ANO3: variants seen among roughly 807,000 people sequenced by gnomAD.
ANO3 encodes the protein anoctamin-3.
A neutral mutation model predicts 144.8 loss-of-function variants in ANO3; 99 were observed. The ratio of observed to expected loss-of-function variants is 0.68; its 90% CI spans 0.58 to 0.81. The LOEUF (loss-of-function observed/expected upper bound fraction) is 0.81. Among genes scored for constraint, ANO3 ranks in the 30% least tolerant of loss-of-function variants. The pLI, the probability that ANO3 is intolerant of heterozygous loss-of-function variation, is 0.00. For missense variants in ANO3, 905 were observed against 1,202.2 expected (o/e 0.75, Z 3.66); for synonymous variants, 414 against 392.6 (o/e 1.05, Z -0.64).
In ANO3 at chr11:26,527,059, A is replaced by C. The variant is rs368914512; in HGVS notation, c.737+1380A>C. 4.5e-3 allele frequency among the ~76,000 whole-genome samples: 613 copies of C among 137,434 alleles called. 4 individuals are homozygous for C. Among genetic ancestry groups the C allele is most frequent in the Non-Finnish European group, 5.8e-3 (363 of 62,498 alleles). 90.2% of individuals were successfully genotyped at this position (137,434 alleles called of 152,430 possible). A position where few individuals can be genotyped will look rare whatever the true frequency, so the allele number is the denominator to read the frequency against. ...GAGACTTTGCTACTACATAATTAGTAGGTTTTCTGTTAAACAAGAATCTTT... is the reference window on the plus strand; with the variant it reads ...GAGACTTTGCTACTACATAATTAGTCGGTTTTCTGTTAAACAAGAATCTTT... On this transcript the variant is annotated intron_variant, in intron 7 of 26. Coordinates refer to ENST00000256737, the MANE Select transcript of ANO3 (RefSeq NM_031418.4).
intron 1 of ANO3, among the ~76,000 whole-genome samples, chr11:26,264,513 G>T (rs1165332869): frequency 6.6e-6 from 1 of 152,148 alleles, no homozygotes; most frequent in Non-Finnish European, 1.5e-5. Context: ...GATACTATTT[G>T]TGTGAGGAAA....
Position 26,661,678 on chromosome 11 carries a change from CAA to C in ANO3, c.*1236_*1237del. On this transcript the variant is annotated 3_prime_UTR_variant, in exon 27 of 27. Coordinates refer to ENST00000256737, the MANE Select transcript of ANO3 (RefSeq NM_031418.4). ...TTTATTTTTAACAACGCTCTAGAAACAAAGTCAAATTAATCACAAAAGACATA... is the reference window on the plus strand; with the variant it reads ...TTTATTTTTAACAACGCTCTAGAAACAGTCAAATTAATCACAAAAGACATA... 6.6e-6 allele frequency: 1 copy of C among 152,180 alleles called. No individual in the cohort carries two copies. Among genetic ancestry groups the C allele is most frequent in the South Asian group, 2.1e-4 (1 of 4,822 alleles). The allele number at this position is 152,180 out of a possible 1,614,324, so 9.4% of individuals were successfully genotyped here. A position where few individuals can be genotyped will look rare whatever the true frequency, so the allele number is the denominator to read the frequency against.
rs566018191 is a variant in ANO3, at chr11:26,568,825, C to A, written c.1447+9046C>A. Among the ~76,000 whole-genome samples, 4 of 152,092 alleles carry A rather than the reference C, an allele frequency of 2.6e-5. No individual in the cohort carries two copies. In the South Asian group the frequency reaches 8.3e-4, roughly 32 times the overall value. ...TATGTGTACCTTTTCAGAAACATCT[C>A]TCTCCTGTGAACTCTGCAAAGTTCA... On this transcript the variant is annotated intron_variant, in intron 14 of 26. Transcript: ENST00000256737.
chr11:26,252,162 G>C (rs957420515), intron 1 of ANO3, among the ~76,000 whole-genome samples: 1 of 152,036 alleles, frequency 6.6e-6, no homozygotes, highest in Non-Finnish European at 1.5e-5. Context: ...GACTCCAAAG[G>C]AGACTGAAAA....
chr11:26,556,864 T>C (rs943222520), intron 13 of ANO3, among the ~76,000 whole-genome samples: 1 of 152,138 alleles, frequency 6.6e-6, no homozygotes, highest in African/African-American at 2.4e-5. Flanking sequence ...GGCACCTTGT[T>C]CTCCTTATCC....
intron 1 of ANO3, among the ~76,000 whole-genome samples, chr11:26,206,324 A>G (rs1851794215): frequency 6.6e-6 from 1 of 152,172 alleles, no homozygotes; most frequent in African/African-American, 2.4e-5. Flanking sequence ...GAAGTACTAC[A>G]TGGTTATAAT....
At chr11:26,323,822 G>GA (rs902001257) in intron 1 of ANO3, among the ~76,000 whole-genome samples, 34 of 151,776 alleles carry the variant, frequency 2.2e-4, no homozygotes, top group Non-Finnish European at 2.9e-4. Context: ...TGTTTATTTA[G>GA]AAAAAAAAGC....
intron 1 of ANO3, among the ~76,000 whole-genome samples, chr11:26,407,074 G>A (rs201607832): frequency 0.55 from 52,976 of 96,766 alleles, 16,166 homozygotes; most frequent in Non-Finnish European, 0.69. Flanking sequence ...GTGTGTGTGT[G>A]TGTATATATA....
intron 17 of ANO3, among the ~76,000 whole-genome samples, chr11:26,615,396 A>T (rs1335497151): frequency 1.0e-5 from 1 of 99,242 alleles, no homozygotes; most frequent in African/African-American, 3.9e-5. Context: ...CTGTCAGTTT[A>T]TATATATATA....
intron 1 of ANO3, among the ~76,000 whole-genome samples, chr11:26,246,905 C>T (rs1852810378): frequency 6.6e-6 from 1 of 152,122 alleles, no homozygotes; most frequent in Non-Finnish European, 1.5e-5. Context: ...GCCTCCTCAG[C>T]CATGTGGAAC....
At chr11:26,626,782 GT>G (rs5790596) in intron 18 of ANO3, among the ~76,000 whole-genome samples, 62,319 of 150,598 alleles carry the variant, frequency 0.41, 12,921 homozygotes, top group East Asian at 0.49. Context: ...ATATTCAATA[GT>G]TTTTTTTTTC....
chr11:26,449,751 G>A (rs1024863424), intron 3 of ANO3, among the ~76,000 whole-genome samples: 2 of 26,648 alleles, frequency 7.5e-5, no homozygotes, highest in East Asian at 2.4e-3. Flanking sequence ...TAGTAGAATT[G>A]CCTTTTTTTT....
chr11:26,305,940 C>T (rs1854369381), upstream of ANO3, among the ~76,000 whole-genome samples: 1 of 151,888 alleles, frequency 6.6e-6, no homozygotes, highest in Admixed American at 6.6e-5. Flanking sequence ...AATTTGTCTT[C>T]CTCCCTGCAC....
intron 1 of ANO3, among the ~76,000 whole-genome samples, chr11:26,358,648 A>T (rs1169456978): frequency 1.3e-5 from 2 of 152,068 alleles, no homozygotes; most frequent in South Asian, 4.2e-4. Flanking sequence ...ATGTGGGTGT[A>T]CAGTTTTCAT....
upstream of ANO3, among the ~76,000 whole-genome samples, chr11:26,308,367 G>A (rs1235510410): frequency 6.6e-6 from 1 of 152,098 alleles, no homozygotes; most frequent in Admixed American, 6.6e-5. Context: ...TTATATTTAA[G>A]GGGATTTCAT....
intron 4 of ANO3, among the ~76,000 whole-genome samples, chr11:26,489,024 C>T (rs541585406): frequency 5.9e-5 from 9 of 152,296 alleles, no homozygotes; most frequent in Non-Finnish European, 1.2e-4. Context: ...CATTCACAAT[C>T]CCTTAGCTAG....
chr11:26,447,575 G>A (rs767742850), intron 3 of ANO3, among the ~76,000 whole-genome samples: 5 of 152,146 alleles, frequency 3.3e-5, no homozygotes, highest in African/African-American at 4.8e-5. Flanking sequence ...GTAAGTTTCA[G>A]GCAGAAAGTA....
chr11:26,228,216 G>A (rs11605852), intron 1 of ANO3, among the ~76,000 whole-genome samples: 54,837 of 152,014 alleles, frequency 0.36, 11,008 homozygotes, highest in Non-Finnish European at 0.44. Flanking sequence ...CAAATGTACT[G>A]CTCTGTTTTT....
chr11:26,298,285 G>A (rs886364524), intron 1 of ANO3, among the ~76,000 whole-genome samples: 1 of 152,104 alleles, frequency 6.6e-6, no homozygotes, highest in African/African-American at 2.4e-5. Flanking sequence ...CAAAGGGATG[G>A]ACCACATACC....
Sources: allele counts gnomAD v4.1 joint callset (sites outside exome capture counted in the v4.1 genomes callset), GRCh38; gene constraint gnomAD v4.1.1; transcripts MANE v1.5; gene names NCBI Gene and HGNC (gene_info 2026-07-23, HGNC 2026-07-21).